PUM2: variants seen among roughly 807,000 people sequenced by gnomAD.
The protein encoded by PUM2 is pumilio homolog 2.
A neutral mutation model predicts 124.5 loss-of-function variants in PUM2; 57 were observed. That is an observed-to-expected ratio of 0.46 (90% CI 0.37 to 0.57). The LOEUF is 0.57. PUM2 is among the 20% of genes least tolerant of loss of function. The pLI is 0.00. For missense variants in PUM2, 1,065 were observed against 1,290.6 expected (o/e 0.83, Z 2.68); for synonymous variants, 460 against 446.1 (o/e 1.03, Z -0.39).
intron 2 of PUM2, among the ~76,000 whole-genome samples, chr2:20,325,650 C>G (rs886127855): frequency 7.0e-6 from 1 of 143,460 alleles, no homozygotes. Context: ...GAGACGGAGT[C>G]TCGGTTTGTC....
Position 20,306,142 on chromosome 2 carries a change from T to C in PUM2, c.883+1836A>G, listed in dbSNP as rs549831038. On this transcript the variant is annotated intron_variant, in intron 7 of 20. Coordinates refer to ENST00000361078, the MANE Select transcript of PUM2 (RefSeq NM_015317.5). ...ATCACTTGAGCCTGGGAGGCAGCAG[T>C]TGCAGTGAGCCAAGACTGCACCACT... 2.0e-5 allele frequency among the ~76,000 whole-genome samples: 3 copies of C among 152,142 alleles called. No individual in the cohort carries two copies. In the East Asian group the frequency reaches 5.8e-4, roughly 29 times the overall value.
rs1250688440 is a variant in PUM2 at position 20,248,968 on chromosome 2, AACTT to A, written c.*2613_*2616del. ...TCAGATTTTACCAAAATTTCATGCC[AACTT>A]ACTAAAAGGTAAAAATTGGGGTGGG... On this transcript the variant is annotated 3_prime_UTR_variant, in exon 21 of 21. Coordinates refer to ENST00000361078, the MANE Select transcript of PUM2 (RefSeq NM_015317.5). The A allele has an allele frequency of 2.6e-5, 4 of 152,444 alleles. No individual in the cohort carries two copies. In the East Asian group the frequency reaches 7.7e-4, roughly 29 times the overall value. 9.4% of individuals were successfully genotyped at this position (152,444 alleles called of 1,614,324 possible).
intron 13 of PUM2, among the ~76,000 whole-genome samples, chr2:20,267,222 C>T (rs986917231): frequency 2.0e-5 from 3 of 151,936 alleles, no homozygotes; most frequent in Admixed American, 2.0e-4. Flanking sequence ...GACGGGGTTT[C>T]ACCATGTTGG....
At chr2:20,282,001 T>G (rs1671644690) in intron 12 of PUM2, among the ~76,000 whole-genome samples, 1 of 152,172 alleles carries the variant, frequency 6.6e-6, no homozygotes, top group Non-Finnish European at 1.5e-5. Context: ...TTTGATGTGG[T>G]AAGAAAAGAG....
At chr2:20,290,533 T>G in intron 10 of PUM2, 119 bp downstream of exon 10, 1 of 1,051,812 alleles carries the variant, frequency 9.5e-7, no homozygotes, top group Non-Finnish European at 1.3e-6. Context: ...GTTCTAAATA[T>G]TTTGTTACAA....
intron 1 of PUM2, among the ~76,000 whole-genome samples, chr2:20,328,743 T>C (rs1302878941): frequency 2.0e-5 from 3 of 152,020 alleles, no homozygotes; most frequent in African/African-American, 7.2e-5. Flanking sequence ...AACTTGAAAA[T>C]ATATCAACAA....
intron 16 of PUM2, among the ~76,000 whole-genome samples, chr2:20,257,472 T>C (rs1342331764): frequency 6.6e-6 from 1 of 152,210 alleles, no homozygotes; most frequent in Non-Finnish European, 1.5e-5. Context: ...TCTTATGCTT[T>C]CATTGTAATA....
chr2:20,349,529 T>C (rs1353072511), intron 1 of PUM2, among the ~76,000 whole-genome samples: 1 of 152,066 alleles, frequency 6.6e-6, no homozygotes, highest in African/African-American at 2.4e-5. Flanking sequence ...TTTTTTTTTT[T>C]TTATTTACAG....
At chr2:20,279,542 C>T (rs1046397183) in intron 12 of PUM2, among the ~76,000 whole-genome samples, 1 of 152,206 alleles carries the variant, frequency 6.6e-6, no homozygotes, top group Non-Finnish European at 1.5e-5. Flanking sequence ...ACTACTGCCT[C>T]CTGAGCCCCT....
chr2:20,345,007 A>T (rs1558693372), intron 1 of PUM2, among the ~76,000 whole-genome samples: 1 of 147,086 alleles, frequency 6.8e-6, no homozygotes, highest in Non-Finnish European at 1.5e-5. Context: ...AAAAAAAAGA[A>T]AAGAAGATTC....
intron 1 of PUM2, among the ~76,000 whole-genome samples, chr2:20,348,412 G>A (rs888695905): frequency 3.3e-5 from 5 of 152,042 alleles, no homozygotes; most frequent in African/African-American, 9.7e-5. Context: ...ACCCAACAAG[G>A]TATTTAAGTT....
At chr2:20,268,593 G>C (rs1334659755) in intron 13 of PUM2, among the ~76,000 whole-genome samples, 1 of 152,030 alleles carries the variant, frequency 6.6e-6, no homozygotes, top group African/African-American at 2.4e-5. Context: ...ACTCTAGCTT[G>C]GGCAATAGAG....
intron 14 of PUM2, among the ~76,000 whole-genome samples, chr2:20,262,677 A>G (rs1362354722): frequency 6.6e-6 from 1 of 152,242 alleles, no homozygotes; most frequent in African/African-American, 2.4e-5. Flanking sequence ...CAAATGTGTT[A>G]CAATTCTATT....
At chr2:20,263,603 G>A in intron 13 of PUM2, 143 bp from the exon 14 acceptor site, 1 of 1,020,852 alleles carries the variant, frequency 9.8e-7, no homozygotes, top group Non-Finnish European at 1.4e-6. Context: ...TTAAAATTGG[G>A]AGGGGAAAAT....
chr2:20,284,050 T>G (rs988298584), intron 10 of PUM2, among the ~76,000 whole-genome samples: 1 of 152,228 alleles, frequency 6.6e-6, no homozygotes, highest in Admixed American at 6.5e-5. Flanking sequence ...ACAAGGTAGG[T>G]AATCTTCACA....
At position 20,263,255 on chromosome 2, in the gene PUM2, G is replaced by T. The variant is rs767687918; in HGVS notation, c.2163C>A (p.Asn721Lys). 1 of 1,609,522 alleles carries T rather than the reference G, an allele frequency of 6.2e-7. No individual in the cohort carries two copies. The highest frequency in any genetic ancestry group is 8.5e-7 in the Non-Finnish European group (1 of 1,175,784). The change falls in exon 14 of 21, where the codon AAC (asparagine) becomes AAA (lysine). Residue 721 changes from asparagine (N) to lysine (K), a missense_variant. Asn to Lys is a moderately conservative substitution (Grantham distance 94). This residue lies in a region of PUM2 where 968 missense variants were observed against 1,159.8 expected (regional missense o/e 0.83). Transcript: ENST00000361078. ...LEDFRNNRFP[N>K]LQLRDLIGHI... ...GTCCAATCAAGTCTCTAAGCTGAAG[G>T]TTTGGGAAGCGGTTGTTTCTGAAAT...
intron 13 of PUM2, among the ~76,000 whole-genome samples, chr2:20,268,121 G>C (rs1668138609): frequency 6.6e-6 from 1 of 152,150 alleles, no homozygotes; most frequent in South Asian, 2.1e-4. Flanking sequence ...GGATTGGAAT[G>C]ACAGCTACTC....
chr2:20,343,217 G>A (rs1324075320), intron 1 of PUM2, among the ~76,000 whole-genome samples: 4 of 152,022 alleles, frequency 2.6e-5, no homozygotes, highest in Non-Finnish European at 5.9e-5. Context: ...TATCTTAAAG[G>A]AAATATACAA....
intron 7 of PUM2, among the ~76,000 whole-genome samples, chr2:20,305,541 G>GA (rs778697917): frequency 4.2e-5 from 6 of 144,440 alleles, no homozygotes; most frequent in Non-Finnish European, 6.1e-5. Context: ...TAAAAAACGT[G>GA]AAAAAACTGC....
Sources: allele counts gnomAD v4.1 joint callset (sites outside exome capture counted in the v4.1 genomes callset), GRCh38; gene constraint gnomAD v4.1.1; regional missense constraint gnomAD v4.1.1; transcripts MANE v1.5; gene names NCBI Gene and HGNC (gene_info 2026-07-23, HGNC 2026-07-21).